The following SPTBN1 variants were observed in gnomAD, a reference collection of about 807,000 sequenced individuals.
The protein encoded by SPTBN1 is spectrin beta, non-erythrocytic 1, also known as spectrin beta chain, non-erythrocytic 1.
A neutral mutation model predicts 266.4 loss-of-function variants in SPTBN1; 32 were observed. That is an observed-to-expected ratio of 0.12 (90% CI 0.09 to 0.16). The LOEUF (loss-of-function observed/expected upper bound fraction) is 0.16. SPTBN1 is among the 10% of genes least tolerant of loss of function. The pLI is 1.00. For missense variants in SPTBN1, 2,296 were observed against 3,067.1 expected (o/e 0.75, Z 5.94); for synonymous variants, 1,336 against 1,162.2 (o/e 1.15, Z -3.04).
chr2:54,566,185 CTTTT>C (rs59369956), intron 2 of SPTBN1, among the ~76,000 whole-genome samples: 4 of 125,216 alleles, frequency 3.2e-5, no homozygotes, highest in Non-Finnish European at 3.3e-5. Flanking sequence ...TTTCTTTTTT[CTTTT>C]TTTTTTTTTT....
rs1476421724 is a variant in SPTBN1, at chr2:54,653,972, TG to T, written c.5822+124del. The stretch of plus-strand genomic sequence containing the variant: ...CTGCCTGAGCGCTTCAAGGCCAGAG[TG>T]GGGGTGGGGCGGTGCTTGGAGTGCG... On this transcript the variant is annotated intron_variant, in intron 27 of 35. Transcript: ENST00000356805. The surrounding 1 kb of genome is among the most constrained non-coding windows in gnomAD (Gnocchi z 5.1). 1 of 1,453,346 alleles carries T rather than the reference TG, an allele frequency of 6.9e-7. No homozygotes were observed. Among genetic ancestry groups the T allele is most frequent in the Admixed American group, 2.7e-5 (1 of 36,366 alleles). 90.0% of individuals were successfully genotyped at this position (1,453,346 alleles called of 1,614,324 possible).
chr2:54,606,497 C>A (rs1469496879), intron 3 of SPTBN1, among the ~76,000 whole-genome samples: 1 of 152,180 alleles, frequency 6.6e-6, no homozygotes, highest in Non-Finnish European at 1.5e-5. Context: ...GGCCCCTGAA[C>A]AGCAAAAATG....
chr2:54,561,919 A>G (rs1553447602), intron 2 of SPTBN1, among the ~76,000 whole-genome samples: 1 of 150,888 alleles, frequency 6.6e-6, no homozygotes, highest in Non-Finnish European at 1.5e-5. Context: ...TGATGGCTTT[A>G]TCACACGAAG....
intron 1 of SPTBN1, among the ~76,000 whole-genome samples, chr2:54,483,289 AC>A (rs1668190968): frequency 6.6e-6 from 1 of 152,194 alleles, no homozygotes; most frequent in East Asian, 1.9e-4. Context: ...TTCTTGGAGC[AC>A]TGGGCACCAC....
At chr2:54,637,979 C>G (rs977709958) in intron 18 of SPTBN1, among the ~76,000 whole-genome samples, 176 bp downstream of exon 18, 3 of 152,212 alleles carry the variant, frequency 2.0e-5, no homozygotes, top group Admixed American at 2.0e-4. Flanking sequence ...CTACAAGGTA[C>G]AGCTTAATTA....
chr2:54,587,362 C>G (rs1675362659), intron 2 of SPTBN1, among the ~76,000 whole-genome samples: 1 of 152,172 alleles, frequency 6.6e-6, no homozygotes, highest in Non-Finnish European at 1.5e-5. Context: ...ATACTACTTT[C>G]ATGAAGTCTT....
chr2:54,625,469 G>C (rs565774924), intron 11 of SPTBN1, among the ~76,000 whole-genome samples: 1 of 152,002 alleles, frequency 6.6e-6, no homozygotes, highest in African/African-American at 2.4e-5. Flanking sequence ...AGTGGGGTGG[G>C]GGACTCAGGA....
At chr2:54,632,020 T>A (rs950521277) in intron 16 of SPTBN1, among the ~76,000 whole-genome samples, 1 of 150,868 alleles carries the variant, frequency 6.6e-6, no homozygotes, top group Non-Finnish European at 1.5e-5. Flanking sequence ...AAGGGTGAAG[T>A]TAGCCGTGAT....
chr2:54,458,201 C>A (rs909749893), intron 1 of SPTBN1, among the ~76,000 whole-genome samples: 1 of 152,184 alleles, frequency 6.6e-6, no homozygotes, highest in South Asian at 2.1e-4. Flanking sequence ...CTGTAGGAAA[C>A]CATTTTTAAA....
chr2:54,627,042 GA>G (rs1678385912), intron 12 of SPTBN1, among the ~76,000 whole-genome samples: 1 of 152,158 alleles, frequency 6.6e-6, no homozygotes. Flanking sequence ...ACAGTCCCAT[GA>G]AGCTTCCTTT....
chr2:54,601,752 C>G (rs1676514367), intron 3 of SPTBN1, among the ~76,000 whole-genome samples: 1 of 152,120 alleles, frequency 6.6e-6, no homozygotes, highest in African/African-American at 2.4e-5. Flanking sequence ...CTAGGTGATT[C>G]AATTTACTTA....
intron 2 of SPTBN1, among the ~76,000 whole-genome samples, chr2:54,577,092 T>C (rs752571951): frequency 3.3e-5 from 5 of 152,140 alleles, no homozygotes; most frequent in Non-Finnish European, 7.4e-5. Flanking sequence ...TAATGCTTAT[T>C]ATTAGTTGGG....
At chr2:54,615,858 G>A (rs931197948) in intron 4 of SPTBN1, among the ~76,000 whole-genome samples, 2 of 152,172 alleles carry the variant, frequency 1.3e-5, no homozygotes, top group Admixed American at 6.5e-5. Flanking sequence ...CAAAAAAACC[G>A]AACTCAGTAT....
At chr2:54,456,787 C>G (rs1488278870) in intron 1 of SPTBN1, among the ~76,000 whole-genome samples, 1 of 150,720 alleles carries the variant, frequency 6.6e-6, no homozygotes, top group African/African-American at 2.4e-5. Flanking sequence ...GAGGCGGCAG[C>G]AGACCCGCCG....
chr2:54,642,832 G>A (rs1310783241), intron 18 of SPTBN1, 151 bp from the exon 19 acceptor site: 24 of 884,690 alleles, frequency 2.7e-5, no homozygotes, highest in Admixed American at 2.0e-4. Flanking sequence ...CTGTCATGAC[G>A]GGTCAGAGTT....
At chr2:54,642,134 T>A (rs1679610662) in intron 18 of SPTBN1, among the ~76,000 whole-genome samples, 1 of 152,334 alleles carries the variant, frequency 6.6e-6, no homozygotes, top group South Asian at 2.1e-4. Flanking sequence ...ATCAGGACTC[T>A]GGCATGGCCC....
intron 27 of SPTBN1, 73 bp from the exon 28 acceptor site, chr2:54,654,997 T>G (rs1680553841): frequency 4.0e-6 from 6 of 1,508,190 alleles, no homozygotes; most frequent in Non-Finnish European, 5.4e-6. Flanking sequence ...TCAAATTAAT[T>G]GTGTGTTTTA....
rs202240433 is a variant in SPTBN1 at position 54,628,278 on chromosome 2, C to T, written c.1798+28C>T. The T allele has an allele frequency of 2.1e-5, 34 of 1,589,444 alleles. No homozygotes were observed. Among genetic ancestry groups the T allele is most frequent in the Admixed American group, 5.3e-5 (3 of 56,462 alleles). ...AAGGATGGCCCATTCCAAGCATTAC[C>T]TCCGGGTCACCAGAGATTCATATTT... On this transcript the variant is annotated intron_variant, in intron 13 of 35. Coordinates refer to ENST00000356805, the MANE Select transcript of SPTBN1 (RefSeq NM_003128.3). This position sits in a 1 kb window ranked among gnomAD's most constrained non-coding sequence, Gnocchi z 4.3.
At chr2:54,637,529 A>C (rs1399140356) in intron 17 of SPTBN1, among the ~76,000 whole-genome samples, 184 bp from the exon 18 acceptor site, 2 of 152,196 alleles carry the variant, frequency 1.3e-5, no homozygotes, top group African/African-American at 4.8e-5. Context: ...TCTCTCTGGG[A>C]CCATGGCTTA....
Sources: allele counts gnomAD v4.1 joint callset (sites outside exome capture counted in the v4.1 genomes callset), GRCh38; gene constraint gnomAD v4.1.1; non-coding constraint Gnocchi (gnomAD v3.1); transcripts MANE v1.5; gene names NCBI Gene and HGNC (gene_info 2026-07-23, HGNC 2026-07-21).